The following TMPRSS9 variants were observed in gnomAD, a reference collection of about 807,000 sequenced individuals.
TMPRSS9 encodes the protein transmembrane protease serine 9.
In TMPRSS9, 113 loss-of-function variants were observed where a neutral mutation model predicts 111.4. The observed-to-expected ratio is 1.01, with a 90% CI of 0.87 to 1.19. The LOEUF is 1.19. TMPRSS9 is among the 50% of genes most tolerant of loss of function. The probability of loss-of-function intolerance (pLI) is 0.00; values close to 1 mark genes in which losing one functional copy is unlikely to be tolerated. For missense variants in TMPRSS9, 1,803 were observed against 1,513.1 expected (o/e 1.19, Z -3.18); for synonymous variants, 805 against 659.1 (o/e 1.22, Z -3.39).
At chr19:2,384,539 G>A (rs1194400461) in intron 1 of TMPRSS9, among the ~76,000 whole-genome samples, 1 of 152,056 alleles carries the variant, frequency 6.6e-6, no homozygotes, top group Admixed American at 6.6e-5. Context: ...GGTGTGGTCA[G>A]GCGCGGTGGC....
chr19:2,424,112 C>T, exon 15 of TMPRSS9: 1 of 1,339,474 alleles, frequency 7.5e-7, no homozygotes, highest in Non-Finnish European at 9.6e-7. Context: ...GCCGGCCGCG[C>T]TCACCAGGAT....
intron 1 of TMPRSS9, among the ~76,000 whole-genome samples, chr19:2,379,834 G>A (rs1970372823): frequency 6.7e-6 from 1 of 149,274 alleles, no homozygotes; most frequent in Non-Finnish European, 1.5e-5. Context: ...ACACCTCACT[G>A]TAGTCTCGAC....
intron 1 of TMPRSS9, among the ~76,000 whole-genome samples, chr19:2,394,934 T>G (rs534689528): frequency 8.5e-5 from 13 of 152,218 alleles, no homozygotes; most frequent in Non-Finnish European, 1.9e-4. Flanking sequence ...TTTTTATGAC[T>G]ATTATTTTTG....
upstream of TMPRSS9, among the ~76,000 whole-genome samples, chr19:2,385,046 A>G (rs1347955166): frequency 6.6e-6 from 1 of 151,180 alleles, no homozygotes; most frequent in Non-Finnish European, 1.5e-5. Flanking sequence ...CTATAATCCC[A>G]GCACTTTGGG....
At chr19:2,364,781 C>T (rs919432991) in intron 1 of TMPRSS9, among the ~76,000 whole-genome samples, 2 of 151,654 alleles carry the variant, frequency 1.3e-5, no homozygotes, top group African/African-American at 2.4e-5. Context: ...GTCAGGAGAT[C>T]GAGACCATCC....
chr19:2,361,819 C>T (rs755004478), intron 1 of TMPRSS9, among the ~76,000 whole-genome samples: 3 of 152,194 alleles, frequency 2.0e-5, no homozygotes, highest in Admixed American at 6.5e-5. Context: ...GGCACTGCCC[C>T]GCAGGACTGC....
chr19:2,396,299 G>A (rs1970704767), intron 1 of TMPRSS9: 1 of 453,598 alleles, frequency 2.2e-6, no homozygotes, highest in African/African-American at 2.0e-5. Context: ...TGTACCTGGG[G>A]ACCTCCGGGT....
chr19:2,426,084 AGTGACCACCAC>A (rs757544030), exon 18 of TMPRSS9: 9 of 1,599,544 alleles, frequency 5.6e-6, no homozygotes, highest in Non-Finnish European at 6.8e-6. Flanking sequence ...CACATCCAGG[AGTGACCACCAC>A]GTGACTGCCC....
At chr19:2,424,609 A>C (rs1971559204) in intron 15 of TMPRSS9, among the ~76,000 whole-genome samples, 1 of 149,622 alleles carries the variant, frequency 6.7e-6, no homozygotes, top group Admixed American at 6.6e-5. Flanking sequence ...CGCCCCTGGG[A>C]CTTGGCTCCA....
intron 9 of TMPRSS9, among the ~76,000 whole-genome samples, chr19:2,411,193 G>T (rs1040512377): frequency 6.7e-6 from 1 of 149,462 alleles, no homozygotes; most frequent in African/African-American, 2.5e-5. Context: ...CCAGCTCCTC[G>T]GGTGGCTGAG....
At chr19:2,369,044 C>T (rs141445701) in intron 1 of TMPRSS9, among the ~76,000 whole-genome samples, 1,881 of 149,336 alleles carry the variant, frequency 0.013, 81 homozygotes, top group Admixed American at 0.09. Flanking sequence ...CTCCACCTCC[C>T]GGGTTCAAGT....
chr19:2,404,315 A>G lies in TMPRSS9; in HGVS notation c.671-1059A>G, dbSNP rs1038083671. Among the ~76,000 whole-genome samples, 4 of 152,186 alleles carry G rather than the reference A, an allele frequency of 2.6e-5. No homozygotes were observed. In the East Asian group the frequency reaches 7.7e-4, roughly 29 times the overall value. ...AATCATTGTCTGTCTAAAATAAATCAATATCCAAACAGAAGGAGAGAAGCT... is the reference window on the plus strand; with the variant it reads ...AATCATTGTCTGTCTAAAATAAATCGATATCCAAACAGAAGGAGAGAAGCT... On this transcript the variant is annotated intron_variant, in intron 6 of 17. Coordinates refer to ENST00000648592, the Ensembl canonical transcript of TMPRSS9.
intron 1 of TMPRSS9, among the ~76,000 whole-genome samples, chr19:2,363,787 TGA>T (rs773666834): frequency 0.27 from 36,118 of 132,182 alleles, 5,805 homozygotes; most frequent in African/African-American, 0.47. Context: ...ACTCTGTGTG[TGA>T]GTGTGTGTGT....
chr19:2,395,970 C>T (rs147289040), intron 1 of TMPRSS9, among the ~76,000 whole-genome samples: 1,792 of 152,024 alleles, frequency 0.012, 20 homozygotes, highest in Middle Eastern at 0.024. Flanking sequence ...ATTGCGCCAC[C>T]GCACTCCAGC....
intron 6 of TMPRSS9, among the ~76,000 whole-genome samples, chr19:2,404,167 C>T (rs1186619938): frequency 1.3e-5 from 2 of 151,896 alleles, no homozygotes; most frequent in Non-Finnish European, 2.9e-5. Flanking sequence ...GAGACCTTGT[C>T]TCAAAAATAA....
chr19:2,394,235 C>T (rs1025757007), intron 1 of TMPRSS9, among the ~76,000 whole-genome samples: 1 of 126,668 alleles, frequency 7.9e-6, no homozygotes. Flanking sequence ...GCTAGCCAGC[C>T]AGGCGTGATA....
At chr19:2,386,516 A>C (rs896057087), upstream of TMPRSS9, among the ~76,000 whole-genome samples, 13 of 151,886 alleles carry the variant, frequency 8.6e-5, no homozygotes, top group Non-Finnish European at 1.5e-4. Context: ...AAAAAAAAAA[A>C]ACCAAAAAAA....
chr19:2,361,374 G>GGGGGCTGGGGTGGGAGGC (rs1361816951), intron 1 of TMPRSS9, among the ~76,000 whole-genome samples: 2 of 121,024 alleles, frequency 1.7e-5, no homozygotes, highest in Admixed American at 1.7e-4. Context: ...GGGTGGGAGG[G>GGGGGCTGGGGTGGGAGGC]GGGGCTGGGG....
chr19:2,402,870 C>T (rs927071665), intron 5 of TMPRSS9, among the ~76,000 whole-genome samples: 11 of 152,188 alleles, frequency 7.2e-5, no homozygotes, highest in South Asian at 6.2e-4. Context: ...TTAGAGGCTG[C>T]GGTGAGCTGT....
Sources: gnomAD v4.1 joint callset for allele counts (sites outside exome capture counted in the v4.1 genomes callset) on GRCh38, gnomAD v4.1.1 for gene constraint, MANE v1.5 for transcripts, NCBI Gene and HGNC (gene_info 2026-07-23, HGNC 2026-07-21) for gene names.